The following FGF10 variants were observed in gnomAD, a reference collection of about 807,000 sequenced individuals.
The protein encoded by FGF10 is fibroblast growth factor 10.
Under a neutral mutation model 19.8 loss-of-function variants are expected in FGF10, and 2 were observed. The observed-to-expected ratio is 0.10, with a 90% CI of 0.04 to 0.32. FGF10 has a LOEUF of 0.32. Ranked by LOEUF, FGF10 falls within the 10% of genes least tolerant of loss-of-function variation. The pLI is 1.00. For missense variants in FGF10, 191 were observed against 246.3 expected (o/e 0.78, Z 1.50); for synonymous variants, 112 against 94.0 (o/e 1.19, Z -1.10).
intron 1 of FGF10, among the ~76,000 whole-genome samples, chr5:44,384,779 T>C (rs75509084): frequency 0.025 from 3,805 of 152,266 alleles, 74 homozygotes; most frequent in Middle Eastern, 0.058. Context: ...ACATACTCTT[T>C]ACATATTGAT....
chr5:44,322,590 A>G (rs1337616563), intron 1 of FGF10, among the ~76,000 whole-genome samples: 3 of 152,158 alleles, frequency 2.0e-5, no homozygotes, highest in Non-Finnish European at 4.4e-5. Flanking sequence ...ATGACAGTGG[A>G]CTTTAAAATA....
At chr5:44,348,608 C>G (rs1741141347) in intron 1 of FGF10, among the ~76,000 whole-genome samples, 1 of 151,276 alleles carries the variant, frequency 6.6e-6, no homozygotes. Context: ...GGAGCAGGTT[C>G]CTAGACTTAG....
Position 44,301,093 on chromosome 5 carries a change from A to C in FGF10, c.*3902T>G, listed in dbSNP as rs1739956380. On this transcript the variant is annotated 3_prime_UTR_variant, in exon 3 of 3. Coordinates refer to ENST00000264664, the MANE Select transcript of FGF10 (RefSeq NM_004465.2). ...GAACTCAGAGTTCCTTTTTCTCCTG[A>C]GCATCCTTCAAAGATATTCCTCTTC... 6.6e-6 allele frequency among the ~76,000 whole-genome samples: 1 copy of C among 152,024 alleles called. No individual in the cohort carries two copies. Among genetic ancestry groups the C allele is most frequent in the Admixed American group, 6.6e-5 (1 of 15,246 alleles).
chr5:44,378,516 C>G (rs1054001853), intron 1 of FGF10, among the ~76,000 whole-genome samples: 7 of 152,196 alleles, frequency 4.6e-5, no homozygotes, highest in African/African-American at 1.7e-4. Context: ...AGTGCAAGCT[C>G]TGCCTCCCGG....
At chr5:44,377,407 T>C (rs1471277177) in intron 1 of FGF10, among the ~76,000 whole-genome samples, 3 of 152,222 alleles carry the variant, frequency 2.0e-5, no homozygotes, top group Non-Finnish European at 4.4e-5. Flanking sequence ...CCAAGTTTAA[T>C]AAGAACTAAG....
chr5:44,373,032 T>C (rs1741777135), intron 1 of FGF10, among the ~76,000 whole-genome samples: 1 of 152,216 alleles, frequency 6.6e-6, no homozygotes, highest in South Asian at 2.1e-4. Context: ...CCTGTAGAAT[T>C]TTGGGAGTCT....
intron 2 of FGF10, among the ~76,000 whole-genome samples, chr5:44,308,676 T>G (rs1740138898): frequency 2.0e-5 from 3 of 152,042 alleles, no homozygotes; most frequent in Admixed American, 1.3e-4. Context: ...TTACTAAAAT[T>G]CCTCTGACCC....
chr5:44,369,124 T>A (rs551660049), intron 1 of FGF10, among the ~76,000 whole-genome samples: 44 of 152,268 alleles, frequency 2.9e-4, no homozygotes, highest in African/African-American at 1.0e-3. Context: ...ATAATTTGTA[T>A]ACTCATGAAA....
chr5:44,305,270 TC>T, intron 2 of FGF10, 78 bp from the exon 3 acceptor site: 1 of 1,345,254 alleles, frequency 7.4e-7, no homozygotes, highest in Non-Finnish European at 1.1e-6. Flanking sequence ...TCCAGAGAAC[TC>T]CAGTCCAAGG....
At chr5:44,349,992 T>A (rs2111819130) in intron 1 of FGF10, among the ~76,000 whole-genome samples, 1 of 151,178 alleles carries the variant, frequency 6.6e-6, no homozygotes, top group East Asian at 2.0e-4. Context: ...GTGTAATAAT[T>A]TATGACAAAA....
chr5:44,339,470 GATAAGAGCTTTCTTTAT>G (rs1740921526), intron 1 of FGF10, among the ~76,000 whole-genome samples: 1 of 152,162 alleles, frequency 6.6e-6, no homozygotes, highest in Non-Finnish European at 1.5e-5. Context: ...TTCTGTTGGG[GATAAGAGCTTTCTTTAT>G]ATAAGTGGGC....
At chr5:44,349,439 T>TCAGA (rs1157288484) in intron 1 of FGF10, among the ~76,000 whole-genome samples, 1 of 11,232 alleles carries the variant, frequency 8.9e-5, no homozygotes, top group Non-Finnish European at 2.8e-4. Context: ...TATATATATA[T>TCAGA]ATATATATAT....
At chr5:44,362,888 G>A (rs1741524247) in intron 1 of FGF10, among the ~76,000 whole-genome samples, 1 of 151,576 alleles carries the variant, frequency 6.6e-6, no homozygotes, top group Non-Finnish European at 1.5e-5. Flanking sequence ...TGTTATTCCA[G>A]CACTTACTGT....
chr5:44,357,112 T>A (rs1240292796), intron 1 of FGF10, among the ~76,000 whole-genome samples: 1 of 85,198 alleles, frequency 1.2e-5, no homozygotes, highest in African/African-American at 4.3e-5. Context: ...TTTCCTAAGA[T>A]TTTCATAAAA....
At chr5:44,360,526 T>C (rs550144337) in intron 1 of FGF10, among the ~76,000 whole-genome samples, 1 of 151,750 alleles carries the variant, frequency 6.6e-6, no homozygotes, top group East Asian at 2.0e-4. Flanking sequence ...GCCACTTCTC[T>C]AGACTACAGG....
At chr5:44,349,473 A>ATATAT (rs1561210430) in intron 1 of FGF10, among the ~76,000 whole-genome samples, 2 of 23,216 alleles carry the variant, frequency 8.6e-5, no homozygotes, top group Non-Finnish European at 1.6e-4. Flanking sequence ...TATATATCAG[A>ATATAT]ATATATATAT....
At chr5:44,313,649 G>A (rs534929070) in intron 1 of FGF10, among the ~76,000 whole-genome samples, 10 of 151,266 alleles carry the variant, frequency 6.6e-5, no homozygotes, top group Admixed American at 1.3e-4. Context: ...AAGGACACAT[G>A]AATTATATTT....
intron 2 of FGF10, among the ~76,000 whole-genome samples, chr5:44,306,474 GC>G (rs1434679596): frequency 2.0e-5 from 3 of 152,194 alleles, no homozygotes; most frequent in East Asian, 1.9e-4. Context: ...TAGTTAAGAA[GC>G]TAAGGAATTG....
intron 1 of FGF10, among the ~76,000 whole-genome samples, chr5:44,364,325 G>A (rs1018423384): frequency 6.6e-6 from 1 of 151,768 alleles, no homozygotes; most frequent in Non-Finnish European, 1.5e-5. Context: ...TATATTAACA[G>A]GAAGATGCAC....
Sources: allele counts gnomAD v4.1 joint callset (sites outside exome capture counted in the v4.1 genomes callset), GRCh38; gene constraint gnomAD v4.1.1; transcripts MANE v1.5; gene names NCBI Gene and HGNC (gene_info 2026-07-23, HGNC 2026-07-21).